The following CIMAP2 variants were observed in gnomAD, a reference collection of about 807,000 sequenced individuals.
CIMAP2 encodes the protein ciliary microtubule associated protein 2, also known as ciliary microtubule-associated protein 2.
At chr1:54,813,663 TGAGGCTGGCCCGGCCTCCGGCCTCC>T in the CIMAP2 span, 3 of 855,454 alleles carry the variant, frequency 3.5e-6, no homozygotes, top group Non-Finnish European at 4.7e-6. Flanking sequence ...AGGGGGGCCT[TGAGGCTGGCCCGGCCTCCGGCCTCC>T]GGGATGTCTG....
chr1:54,807,564 C>A, the CIMAP2 span: 51 of 1,598,794 alleles, frequency 3.2e-5, 1 homozygote, highest in Admixed American at 8.6e-4. Flanking sequence ...CCAAAGAGAC[C>A]TGCTTCAGCA....
chr1:54,808,225 T>C, the CIMAP2 span, among the ~76,000 whole-genome samples: 4 of 152,188 alleles, frequency 2.6e-5, no homozygotes, highest in East Asian at 7.7e-4. Flanking sequence ...GTGGTAGAAA[T>C]AGTAGTACAA....
the CIMAP2 span, chr1:54,841,954 G>A: frequency 2.9e-6 from 4 of 1,394,778 alleles, no homozygotes; most frequent in Admixed American, 6.0e-5. Flanking sequence ...GCATGGGCAT[G>A]GGAGTGGGGT....
chr1:54,811,914 C>T, the CIMAP2 span: 6 of 1,613,984 alleles, frequency 3.7e-6, no homozygotes, highest in Non-Finnish European at 4.2e-6. Flanking sequence ...CAACAAGCCA[C>T]ACCCCCGGCC....
At chr1:54,833,237 A>G in the CIMAP2 span, among the ~76,000 whole-genome samples, 1 of 152,188 alleles carries the variant, frequency 6.6e-6, no homozygotes, top group South Asian at 2.1e-4. Flanking sequence ...ATGTGTGAAT[A>G]AATGATGGGG....
chr1:54,831,240 T>G, the CIMAP2 span, among the ~76,000 whole-genome samples: 4 of 152,226 alleles, frequency 2.6e-5, no homozygotes, highest in Non-Finnish European at 4.4e-5. Context: ...GTCATTCATC[T>G]GCAAAGCAAA....
chr1:54,839,383 TTTA>T, the CIMAP2 span, among the ~76,000 whole-genome samples: 5 of 18,328 alleles, frequency 2.7e-4, no homozygotes, highest in African/African-American at 6.4e-4. Context: ...TATTTATTTA[TTTA>T]TTTTTCGAGA....
chr1:54,821,249 A>AT, the CIMAP2 span, among the ~76,000 whole-genome samples: 1 of 151,858 alleles, frequency 6.6e-6, no homozygotes, highest in Non-Finnish European at 1.5e-5. Context: ...CTATTTGTGT[A>AT]TTTTTGTTTT....
chr1:54,811,765 G>GCCGGGGGGGGCCCCCCCC, the CIMAP2 span: 4 of 1,301,316 alleles, frequency 3.1e-6, no homozygotes, highest in Non-Finnish European at 4.4e-6. Flanking sequence ...GGTTCTGACA[G>GCCGGGGGGGGCCCCCCCC]CCTCCATGCC....
At chr1:54,808,826 G>A in the CIMAP2 span, among the ~76,000 whole-genome samples, 1 of 152,006 alleles carries the variant, frequency 6.6e-6, no homozygotes, top group African/African-American at 2.4e-5. Context: ...CCTACCAAGG[G>A]AGCCAGCACA....
chr1:54,831,947 A>AG, the CIMAP2 span, among the ~76,000 whole-genome samples: 2 of 152,312 alleles, frequency 1.3e-5, no homozygotes, highest in South Asian at 4.1e-4. Context: ...CCCGGCCTCG[A>AG]GCAATCCTCC....
chr1:54,835,976 C>T, the CIMAP2 span, among the ~76,000 whole-genome samples: 1 of 152,034 alleles, frequency 6.6e-6, no homozygotes, highest in Admixed American at 6.5e-5. Context: ...CCCCACCTGA[C>T]CTTATTTGAT....
At chr1:54,817,096 A>C in the CIMAP2 span, 2 of 1,614,208 alleles carry the variant, frequency 1.2e-6, no homozygotes, top group African/African-American at 2.7e-5. Flanking sequence ...GCTACCTCTC[A>C]GACCTGGCCC....
At chr1:54,828,699 C>T in the CIMAP2 span, among the ~76,000 whole-genome samples, 2 of 151,888 alleles carry the variant, frequency 1.3e-5, no homozygotes, top group Non-Finnish European at 2.9e-5. Flanking sequence ...ACTAAGACCC[C>T]ATTCTTATTA....
the CIMAP2 span, chr1:54,813,813 G>A: frequency 1.3e-6 from 2 of 1,585,382 alleles, no homozygotes; most frequent in East Asian, 2.2e-5. Flanking sequence ...CTTTTTCTTA[G>A]AAAAAAAAGC....
chr1:54,835,340 T>C, the CIMAP2 span, among the ~76,000 whole-genome samples: 172 of 151,564 alleles, frequency 1.1e-3, 1 homozygote, highest in African/African-American at 3.9e-3. Flanking sequence ...TACAGGTGTG[T>C]GCCACCACGC....
At chr1:54,827,577 G>A in the CIMAP2 span, among the ~76,000 whole-genome samples, 5 of 152,240 alleles carry the variant, frequency 3.3e-5, no homozygotes, top group African/African-American at 7.2e-5. Context: ...ACTTAGCTGC[G>A]TGACCTGGGG....
the CIMAP2 span, among the ~76,000 whole-genome samples, chr1:54,820,053 TTCCC>T: frequency 8.0e-5 from 11 of 137,776 alleles, no homozygotes; most frequent in South Asian, 2.5e-4. Context: ...TCCTTCCTTC[TTCCC>T]TCCCTCCCTA....
At chr1:54,836,451 G>A in the CIMAP2 span, among the ~76,000 whole-genome samples, 4 of 151,764 alleles carry the variant, frequency 2.6e-5, no homozygotes, top group African/African-American at 9.7e-5. Flanking sequence ...TTGTGAGGTG[G>A]TGGAACATGC....
Sources: allele counts gnomAD v4.1 joint callset (sites outside exome capture counted in the v4.1 genomes callset), GRCh38; gene constraint gnomAD v4.1.1; transcripts MANE v1.5; gene names NCBI Gene and HGNC (gene_info 2026-07-23, HGNC 2026-07-21).